TTN: variants seen among roughly 807,000 people sequenced by gnomAD.
TTN encodes titin, also known as connectin.
TTN carries 1,525 observed loss-of-function variants against 3,223.0 expected under a neutral mutation model. The ratio of observed to expected loss-of-function variants is 0.47; its 90% CI spans 0.45 to 0.49. TTN has a LOEUF of 0.49. TTN is among the 20% of genes least tolerant of loss of function. The pLI is 0.00. For synonymous variants in TTN, 14,094 were observed against 15,161.0 expected, an observed-to-expected ratio of 0.93 and a Z score of 5.17; for missense variants, 40,786 against 43,424.0, an observed-to-expected ratio of 0.94 and a Z score of 5.40.
At chr2:178,626,051 T>TTA (rs1021104764) in intron 240 of TTN, among the ~76,000 whole-genome samples, 12 of 151,892 alleles carry the variant, frequency 7.9e-5, no homozygotes, top group East Asian at 7.8e-4. Flanking sequence ...GCCCCTGGGC[T>TTA]TATATACATA....
At chr2:178,699,795 C>T (rs1175968784) in intron 111 of TTN, among the ~76,000 whole-genome samples, 4 of 139,546 alleles carry the variant, frequency 2.9e-5, no homozygotes, top group Admixed American at 2.3e-4. Context: ...GGCTCGATCT[C>T]GGCTCATTGC....
At chr2:178,805,114 G>T (rs111272780) in intron 1 of TTN, among the ~76,000 whole-genome samples, 12 of 151,792 alleles carry the variant, frequency 7.9e-5, no homozygotes, top group Non-Finnish European at 1.3e-4. Context: ...AGGCCGAGGC[G>T]GGAGGATTAC....
chr2:178,677,467 A>G, intron 146 of TTN, 154 bp downstream of exon 146: 1 of 796,710 alleles, frequency 1.3e-6, no homozygotes, highest in Non-Finnish European at 1.9e-6. Context: ...CAGATACACA[A>G]TAAGAACACA....
chr2:178,730,035 C>A, intron 62 of TTN, 58 bp downstream of exon 62: 2 of 1,594,388 alleles, frequency 1.3e-6, no homozygotes, highest in Non-Finnish European at 1.7e-6. Flanking sequence ...CCGCCCCGGC[C>A]CACCCCAGGC....
intron 281 of TTN, among the ~76,000 whole-genome samples, chr2:178,604,507 C>G (rs940357018): frequency 4.0e-5 from 6 of 151,834 alleles, no homozygotes; most frequent in Non-Finnish European, 7.4e-5. Flanking sequence ...TAGTGGATCT[C>G]AATTAAAAGA....
chr2:178,766,252 G>A (rs988435169), intron 41 of TTN, 129 bp downstream of exon 41: 1 of 757,532 alleles, frequency 1.3e-6, no homozygotes, highest in Admixed American at 2.2e-5. Context: ...GAAAAAAAAT[G>A]TAGCTGGAAC....
At position 178,571,434 on chromosome 2, in the gene TTN, T is replaced by C; in HGVS notation, c.74698A>G (p.Thr24900Ala). Residue 24900 changes from threonine to alanine, a missense_variant, in exon 326 of 363, where the codon ACT (threonine) becomes GCT (alanine). Transcript: ENST00000589042. ...GKSTYLNSEP[T>A]VAQYPFKVPG... ...ACTTTGAATGGATATTGGGCTACAG[T>C]AGGCTCTGAATTGAGGTAGGTACTC... The C allele has an allele frequency of 6.2e-7, 1 of 1,613,446 alleles. No individual in the cohort carries two copies. Among genetic ancestry groups the C allele is most frequent in the South Asian group, 1.1e-5 (1 of 91,076 alleles).
At position 178,582,526 on chromosome 2, in the gene TTN, C is replaced by G; in HGVS notation, c.65930G>C (p.Trp21977Ser). Residue 21977 changes from tryptophan to serine, a missense_variant, in exon 314 of 363, where the codon TGG (tryptophan) becomes TCG (serine). Trp to Ser is a radical substitution (Grantham distance 177, BLOSUM62 -3). Transcript: ENST00000589042. The stretch of plus-strand genomic sequence containing the variant: ...GCCTCCATCTTCAAGAGGCGGTTCC[C>G]AAGAAAGCATAGCACGATCTGAATA... Reference protein sequence around the residue: ...KMYSDRAMLSWEPPLEDGGSE... With the variant: ...KMYSDRAMLSSEPPLEDGGSE... The G allele has an allele frequency of 6.2e-7, 1 of 1,612,884 alleles. No homozygotes were observed. The highest frequency in any genetic ancestry group is 8.5e-7 in the Non-Finnish European group (1 of 1,179,292).
chr2:178,616,706 A>G (rs1490146542), intron 256 of TTN, 23 bp downstream of exon 256: 2 of 1,612,120 alleles, frequency 1.2e-6, no homozygotes. Context: ...ATCACCTTAG[A>G]TGATAAATGT....
rs760975456 is a variant in TTN, at chr2:178,582,632, G to T, written c.65864-40C>A. The T allele has an allele frequency of 1.9e-6, 3 of 1,561,936 alleles. No homozygotes were observed. The African/African-American group carries it at 4.1e-5, about 21-fold the overall frequency. ...AAGAAGAGTGAATATGTGGAATGGG[G>T]AATGAGTATAGAGTAGAGGTCTGGA... On this transcript the variant is annotated intron_variant, in intron 313 of 362. Coordinates refer to ENST00000589042, the MANE Select transcript of TTN (RefSeq NM_001267550.2).
At chr2:178,768,217 T>C in intron 38 of TTN, 62 bp from the exon 39 acceptor site, 2 of 1,548,434 alleles carry the variant, frequency 1.3e-6, no homozygotes, top group Non-Finnish European at 1.8e-6. Flanking sequence ...ATAATTCACA[T>C]ACTGTACAAT....
intron 43 of TTN, among the ~76,000 whole-genome samples, chr2:178,763,647 A>G (rs1487612780): frequency 2.0e-5 from 3 of 152,192 alleles, no homozygotes; most frequent in Non-Finnish European, 4.4e-5. Context: ...AGAACGAGAG[A>G]CATGATATAT....
At position 178,645,973 on chromosome 2, in the gene TTN, G is replaced by A. The variant is rs930348332; in HGVS notation, c.40355C>T (p.Pro13452Leu). 1 of 1,586,720 alleles carries A rather than the reference G, an allele frequency of 6.3e-7. No homozygotes were observed. Among genetic ancestry groups the A allele is most frequent in the South Asian group, 1.2e-5 (1 of 84,154 alleles). Residue 13452 changes from proline (P) to leucine (L), a missense_variant, in exon 217 of 363, where the codon CCT becomes CTT. Physicochemically the swap from Pro to Leu is moderately conservative, Grantham distance 98 (BLOSUM62 -3). Transcript: ENST00000589042. ...KPKLKPRPPP[P>L]PPAPPKEDVK... Reference sequence around the variant, plus strand: ...ATCTTCCTTAGGTGGAGCAGGTGGAGGAGGTGGGGGTCTTGGTTTGAGTTT... The same window carrying A: ...ATCTTCCTTAGGTGGAGCAGGTGGAAGAGGTGGGGGTCTTGGTTTGAGTTT...
At position 178,574,366 on chromosome 2, in the gene TTN, C is replaced by T. The variant is rs778665872; in HGVS notation, c.71766G>A (p.Leu23922=). The stretch of plus-strand genomic sequence containing the variant: ...GTTTTCCAGGTGGGTCAATGGGATC[C>T]AGAGCCAACATAGGTTCTGATGGCT... ...PSKPSEPMLA[L]DPIDPPGKPV... is the part of the protein sequence containing the mutation. Residue 23922 remains leucine, a synonymous_variant, in exon 326 of 363, where the codon CTG becomes CTA. Transcript: ENST00000589042. 37 of 1,613,562 alleles carry T rather than the reference C, an allele frequency of 2.3e-5. No individual in the cohort carries two copies. The East Asian group carries it at 2.9e-4, about 13-fold the overall frequency.
chr2:178,628,578 C>T (rs949749928), intron 240 of TTN, among the ~76,000 whole-genome samples: 2 of 151,868 alleles, frequency 1.3e-5, no homozygotes, highest in African/African-American at 4.8e-5. Context: ...CTGAATAATC[C>T]CTTAGTTTTT....
At chr2:178,555,909 T>C (rs1701234175) in intron 330 of TTN, 1 of 152,246 alleles carries the variant, frequency 6.6e-6, no homozygotes, top group African/African-American at 2.4e-5. Context: ...CCACTTATTT[T>C]CCAGAATGGT....
In TTN at chr2:178,570,808, T is replaced by C; in HGVS notation, c.75324A>G (p.Pro25108=). 6.2e-7 allele frequency: 1 copy of C among 1,613,588 alleles called. No individual in the cohort carries two copies. Among genetic ancestry groups the C allele is most frequent in the Non-Finnish European group, 8.5e-7 (1 of 1,179,620 alleles). The change falls in exon 326 of 363, where the codon CCA becomes CCG. Residue 25108 remains proline (P), a synonymous_variant. Transcript: ENST00000589042. The part of the protein sequence containing the change: ...GAITARDEVD[P]PRISMDPKYK... ...ATTTTGGATCCATACTTATTCGTGG[T>C]GGATCTACCTCATCTCTAGCTGTTA...
chr2:178,644,469 C>T (rs1560045196), intron 218 of TTN, 79 bp downstream of exon 218: 3 of 1,054,092 alleles, frequency 2.8e-6, no homozygotes, highest in Non-Finnish European at 4.0e-6. Context: ...AGAGACAGAA[C>T]ATTCGATGGA....
At chr2:178,695,472 A>C in intron 114 of TTN, 62 bp from the exon 115 acceptor site, 3 of 1,294,894 alleles carry the variant, frequency 2.3e-6, no homozygotes, top group Non-Finnish European at 3.4e-6. Flanking sequence ...TTAGGTTGTT[A>C]ATTGCAAATG....
Sources: allele counts gnomAD v4.1 joint callset (sites outside exome capture counted in the v4.1 genomes callset), GRCh38; gene constraint gnomAD v4.1.1; transcripts MANE v1.5; gene names NCBI Gene and HGNC (gene_info 2026-07-23, HGNC 2026-07-21).